ZNF436: variants seen among roughly 807,000 people sequenced by gnomAD.
ZNF436 encodes DNA-binding protein.
ZNF436 carries 22 observed loss-of-function variants against 41.9 expected under a neutral mutation model. The ratio of observed to expected loss-of-function variants is 0.53; its 90% CI spans 0.38 to 0.75. The LOEUF is 0.75. Ranked by LOEUF, ZNF436 falls within the 30% of genes least tolerant of loss-of-function variation. ZNF436 has a pLI of 0.00. For missense variants in ZNF436, 506 were observed against 587.3 expected (o/e 0.86, Z 1.43); for synonymous variants, 217 against 197.8 (o/e 1.10, Z -0.82).
rs1274410007 is a variant in ZNF436 at position 23,359,553 on chromosome 1, T to C, written c.*2416A>G. 6.6e-6 allele frequency: 1 copy of C among 152,458 alleles called. No homozygotes were observed. Among genetic ancestry groups the C allele is most frequent in the Non-Finnish European group, 1.5e-5 (1 of 68,040 alleles). 9.4% of individuals were successfully genotyped at this position (152,458 alleles called of 1,614,324 possible). On this transcript the variant is annotated 3_prime_UTR_variant, in exon 4 of 4. Coordinates refer to ENST00000314011, the MANE Select transcript of ZNF436 (RefSeq NM_001077195.2). ...AGGAAAACTGTTCTACATATTGATT[T>C]GTTCATTAATTCTCCACAACCATAG...
chr1:23,365,265 G>A (rs570903666), intron 3 of ZNF436, among the ~76,000 whole-genome samples: 12 of 150,744 alleles, frequency 8.0e-5, no homozygotes, highest in South Asian at 6.3e-4. Context: ...GTGTGGTGGC[G>A]GGCACCTGTA....
intron 2 of ZNF436, 110 bp downstream of exon 2, chr1:23,367,863 C>T: frequency 1.6e-6 from 2 of 1,280,166 alleles, no homozygotes; most frequent in Non-Finnish European, 2.2e-6. Context: ...AATATCGAAG[C>T]CAGCGAATTA....
Position 23,362,515 on chromosome 1 carries a change from C to T in ZNF436, c.867G>A (p.Glu289=), listed in dbSNP as rs1183702779. 3.1e-6 allele frequency: 5 copies of T among 1,613,628 alleles called. No homozygotes were observed. The highest frequency in any genetic ancestry group is 4.2e-6 in the Non-Finnish European group (5 of 1,179,942). ...ECNECGRGFS[E]RSDLIKHYRV... is the part of the protein sequence containing the mutation. Reference sequence around the variant, plus strand: ...GATAGTGTTTGATGAGATCAGATCTCTCACTGAAGCCTCGGCCACATTCGT... The same window carrying T: ...GATAGTGTTTGATGAGATCAGATCTTTCACTGAAGCCTCGGCCACATTCGT... The change falls in exon 4 of 4, where the codon GAG becomes GAA. Residue 289 remains glutamate (E), a synonymous_variant. Coordinates refer to ENST00000314011, the MANE Select transcript of ZNF436 (RefSeq NM_001077195.2).
At position 23,362,165 on chromosome 1, in the gene ZNF436, A is replaced by G; in HGVS notation, c.1217T>C (p.Ile406Thr). Reference protein sequence around the residue: ...WRSFGERSDLIKHQRTHTGEK... With the variant: ...WRSFGERSDLTKHQRTHTGEK... ...CCCTGTGTGGGTTCTCTGATGTTTAATTAGATCTGACCTTTCACCAAAGCT... is the reference window on the plus strand; with the variant it reads ...CCCTGTGTGGGTTCTCTGATGTTTAGTTAGATCTGACCTTTCACCAAAGCT... The change falls in exon 4 of 4, where the codon ATT becomes ACT. Residue 406 changes from isoleucine to threonine, a missense_variant. Physicochemically the swap from Ile to Thr is moderately conservative, Grantham distance 89. This residue lies in a region of ZNF436 where 278 missense variants were observed against 372.1 expected (regional missense o/e 0.75). Transcript: ENST00000314011. 1 of 1,613,938 alleles carries G rather than the reference A, an allele frequency of 6.2e-7. No individual in the cohort carries two copies. The highest frequency in any genetic ancestry group is 8.5e-7 in the Non-Finnish European group (1 of 1,179,980).
Position 23,362,668 on chromosome 1 carries a change from G to T in ZNF436, c.714C>A (p.Ile238=), listed in dbSNP as rs756217397. 6.2e-7 allele frequency: 1 copy of T among 1,613,992 alleles called. No individual in the cohort carries two copies. The highest frequency in any genetic ancestry group is 1.7e-5 in the Admixed American group (1 of 60,012). ...GKSFCRLSHL[I]QHQRTHSGEK... ...CACCACTGTGGGTCCTTTGGTGTTG[G>T]ATTAGGTGAGAGAGACGGCAGAAAC... Residue 238 remains isoleucine (I), a synonymous_variant, in exon 4 of 4, where the codon ATC becomes ATA. Coordinates refer to ENST00000314011, the MANE Select transcript of ZNF436 (RefSeq NM_001077195.2).
At position 23,367,991 on chromosome 1, in the gene ZNF436, C is replaced by A; in HGVS notation, c.15G>T (p.Leu5=). The change falls in exon 2 of 4, where the codon CTG becomes CTT. Residue 5 remains leucine (L), a synonymous_variant. Transcript: ENST00000314011. ...GGCTTACCTGGGACCCAGCCATGAG[C>A]AGGGTGGCTGCCATCTCGAGCACAA... The part of the protein sequence containing the change: MAAT[L]LMAGSQAPVT... The A allele has an allele frequency of 1.2e-6, 2 of 1,614,110 alleles. No individual in the cohort carries two copies. The highest frequency in any genetic ancestry group is 1.7e-6 in the Non-Finnish European group (2 of 1,180,024).
intron 2 of ZNF436, 151 bp from the exon 3 acceptor site, chr1:23,367,319 G>T (rs1338020916): frequency 4.2e-6 from 4 of 949,604 alleles, no homozygotes; most frequent in Non-Finnish European, 5.9e-6. Context: ...ATGTGGTAAA[G>T]AAGGCAGCAA....
Position 23,361,807 on chromosome 1 carries a change from C to T in ZNF436, c.*162G>A. On this transcript the variant is annotated 3_prime_UTR_variant, in exon 4 of 4. Transcript: ENST00000314011. ...TTTGGAGGAGATAACATTCCCAAAG[C>T]TGAGGGTCAGAATTTCAAATGGCTT... is the stretch of plus-strand genomic sequence containing the variant. The T allele has an allele frequency of 1.4e-6, 1 of 695,106 alleles. No individual in the cohort carries two copies. Among genetic ancestry groups the T allele is most frequent in the Non-Finnish European group, 2.2e-6 (1 of 445,172 alleles). 43.1% of individuals were successfully genotyped at this position (695,106 alleles called of 1,614,324 possible). A position where few individuals can be genotyped will look rare whatever the true frequency, so the allele number is the denominator to read the frequency against.
intron 3 of ZNF436, among the ~76,000 whole-genome samples, chr1:23,363,724 G>T (rs116684971): frequency 6.6e-6 from 1 of 152,092 alleles, no homozygotes; most frequent in African/African-American, 2.4e-5. Flanking sequence ...ATTCTGTATC[G>T]CTGTAATTAA....
chr1:23,367,313 G>T, intron 2 of ZNF436, 145 bp from the exon 3 acceptor site: 2 of 995,506 alleles, frequency 2.0e-6, no homozygotes, highest in Non-Finnish European at 2.8e-6. Flanking sequence ...AAAGAGATGT[G>T]GTAAAGAAGG....
At chr1:23,368,679 C>T (rs1164953352) in intron 1 of ZNF436, among the ~76,000 whole-genome samples, 1 of 152,244 alleles carries the variant, frequency 6.6e-6, no homozygotes, top group Non-Finnish European at 1.5e-5. Context: ...TAGAGGCTGC[C>T]CTGCTTCGCC....
At position 23,367,158 on chromosome 1, in the gene ZNF436, G is replaced by C. The variant is rs774638824; in HGVS notation, c.44C>G (p.Thr15Arg). The C allele has an allele frequency of 1.2e-6, 2 of 1,609,166 alleles. No homozygotes were observed. Among genetic ancestry groups the C allele is most frequent in the Non-Finnish European group, 1.7e-6 (2 of 1,177,924 alleles). ...LLMAGSQAPVTFEDMAMYLTR... is the reference protein window; with the variant it reads ...LLMAGSQAPVRFEDMAMYLTR... ...GAGATACATGGCCATATCTTCAAAC[G>C]TCACAGGTGCCTGAAATCACACGAT... The change falls in exon 3 of 4, where the codon ACG becomes AGG. Residue 15 changes from threonine to arginine, a missense_variant. Thr to Arg is a moderately conservative substitution (Grantham distance 71). This residue lies in a region of ZNF436 where 228 missense variants were observed against 215.1 expected (regional missense o/e 1.06). Coordinates refer to ENST00000314011, the MANE Select transcript of ZNF436 (RefSeq NM_001077195.2).
intron 2 of ZNF436, 141 bp downstream of exon 2, chr1:23,367,832 G>C: frequency 1.2e-6 from 1 of 865,260 alleles, no homozygotes; most frequent in South Asian, 1.5e-5. Context: ...TACTGGCCTG[G>C]TACTAGGCCC....
At chr1:23,368,385 G>A (rs368158224) in intron 1 of ZNF436, 1 of 217,736 alleles carries the variant, frequency 4.6e-6, no homozygotes, top group Non-Finnish European at 9.4e-6. Context: ...GTCCTTTCCG[G>A]CAGCTGCCTC....
chr1:23,366,484 C>A (rs1178971555), intron 3 of ZNF436, among the ~76,000 whole-genome samples: 1 of 152,116 alleles, frequency 6.6e-6, no homozygotes, highest in East Asian at 1.9e-4. Context: ...AATCAGCTGC[C>A]CTCTCTAATA....
At chr1:23,369,268 C>T (rs377191270) in intron 1 of ZNF436, 98 bp downstream of exon 1, 1 of 465,582 alleles carries the variant, frequency 2.1e-6, no homozygotes. Context: ...CCCTGGGCGT[C>T]TGAGGCCCTG....
chr1:23,364,878 G>T (rs1469019828), intron 3 of ZNF436, among the ~76,000 whole-genome samples: 1 of 152,110 alleles, frequency 6.6e-6, no homozygotes, highest in Non-Finnish European at 1.5e-5. Context: ...AAACTGGGTT[G>T]GTAAATGGTA....
In ZNF436 at chr1:23,359,521, T is replaced by A. The variant is rs113343504; in HGVS notation, c.*2448A>T. On this transcript the variant is annotated 3_prime_UTR_variant, in exon 4 of 4. Transcript: ENST00000314011. ...CAAACACTAGGATAACTGTGACCAA[T>A]ACCATAAGGAAAACTGTTCTACATA... 7.8e-4 allele frequency: 119 copies of A among 152,334 alleles called. 1 individual carries two copies. Among genetic ancestry groups the A allele is most frequent in the African/African-American group, 2.8e-3 (115 of 41,570 alleles). 9.4% of individuals were successfully genotyped at this position (152,334 alleles called of 1,614,324 possible).
rs35676026 is a variant in ZNF436 at position 23,363,293 on chromosome 1, ATT to A, written c.161-74_161-73del. The A allele has an allele frequency of 4.8e-3, 5,254 of 1,087,434 alleles. 1 individual carries two copies. The highest frequency in any genetic ancestry group is 9.3e-3 in the East Asian group (330 of 35,358). The allele number at this position is 1,087,434 out of a possible 1,614,324, so 67.4% of individuals were successfully genotyped here. ...TATTGTGTGCCAGGCACTATACTAA[ATT>A]TTTTTTTTTTTTAGACAGAGTCTCA... On this transcript the variant is annotated intron_variant, in intron 3 of 3. Transcript: ENST00000314011.
Sources: allele counts gnomAD v4.1 joint callset (sites outside exome capture counted in the v4.1 genomes callset), GRCh38; gene constraint gnomAD v4.1.1; regional missense constraint gnomAD v4.1.1; transcripts MANE v1.5; gene names NCBI Gene and HGNC (gene_info 2026-07-23, HGNC 2026-07-21).